Variants in PIP4P2 observed in about 807,000 individuals in gnomAD.
PIP4P2 encodes phosphatidylinositol-4,5-bisphosphate 4-phosphatase 2, also known as type 2 phosphatidylinositol 4,5-bisphosphate 4-phosphatase.
Under a neutral mutation model 33.3 loss-of-function variants are expected in PIP4P2, and 19 were observed. The ratio of observed to expected loss-of-function variants is 0.57; its 90% CI spans 0.40 to 0.84. The LOEUF (loss-of-function observed/expected upper bound fraction) is 0.84. Among genes scored for constraint, PIP4P2 ranks in the 40% least tolerant of loss-of-function variants. The pLI is 0.00. For missense variants in PIP4P2, 270 were observed against 324.7 expected, an observed-to-expected ratio of 0.83 and a Z score of 1.29; for synonymous variants, 110 against 111.9, an observed-to-expected ratio of 0.98 and a Z score of 0.11.
At chr8:91,006,267 C>G (rs1166490247) in intron 5 of PIP4P2, among the ~76,000 whole-genome samples, 2 of 152,184 alleles carry the variant, frequency 1.3e-5, no homozygotes, top group Non-Finnish European at 2.9e-5. Context: ...GTAATGAATG[C>G]TCTGAGTCCT....
intron 4 of PIP4P2, among the ~76,000 whole-genome samples, chr8:91,012,977 C>T (rs1811859287): frequency 6.6e-6 from 1 of 152,074 alleles, no homozygotes; most frequent in South Asian, 2.1e-4. Flanking sequence ...TTTGATTGTT[C>T]TTTTCTCCTC....
At chr8:91,024,367 C>T (rs1261141762) in intron 1 of PIP4P2, 1 of 431,100 alleles carries the variant, frequency 2.3e-6, no homozygotes, top group Admixed American at 2.4e-5. Flanking sequence ...GTTAGTAAAC[C>T]TACAATAATT....
In PIP4P2 at chr8:91,040,640, T is replaced by A. The variant is rs1812292835; in HGVS notation, c.106+4A>T. 6.2e-7 allele frequency: 1 copy of A among 1,613,622 alleles called. No individual in the cohort carries two copies. The highest frequency in any genetic ancestry group is 1.7e-5 in the Admixed American group (1 of 60,004). On this transcript the variant is annotated splice_donor_region_variant and intron_variant, in intron 1 of 6. Transcript: ENST00000285419. ...CAAAGTAGAGGGATCTACGCTGGCC[T>A]TACCTCTGGGGCTGCTTTCTTGCAA...
chr8:91,040,388 A>ACAACATCATCACCACCAC, intron 1 of PIP4P2, among the ~76,000 whole-genome samples: 1 of 149,844 alleles, frequency 6.7e-6, no homozygotes, highest in African/African-American at 2.5e-5. Context: ...ATACACACAC[A>ACAACATCATCACCACCAC]CACCATCACC....
At chr8:90,997,869 C>T (rs940221941) in intron 5 of PIP4P2, among the ~76,000 whole-genome samples, 1 of 152,002 alleles carries the variant, frequency 6.6e-6, no homozygotes, top group Non-Finnish European at 1.5e-5. Context: ...ATTTTGCATA[C>T]AAAATTATTT....
At chr8:91,033,572 A>AT (rs1812198754) in intron 1 of PIP4P2, among the ~76,000 whole-genome samples, 2 of 152,048 alleles carry the variant, frequency 1.3e-5, no homozygotes, top group Non-Finnish European at 2.9e-5. Context: ...ACCAAGGGTG[A>AT]TTTTTTTAAA....
intron 1 of PIP4P2, among the ~76,000 whole-genome samples, chr8:91,025,988 A>C (rs1349534986): frequency 6.6e-6 from 1 of 152,170 alleles, no homozygotes; most frequent in Non-Finnish European, 1.5e-5. Flanking sequence ...TCTTGGAAAA[A>C]TTCATCTGGC....
intron 1 of PIP4P2, among the ~76,000 whole-genome samples, chr8:91,023,143 T>A (rs1036321419): frequency 6.6e-6 from 1 of 151,588 alleles, no homozygotes; most frequent in African/African-American, 2.4e-5. Context: ...GGAAAGAATA[T>A]GTACCTCACT....
At chr8:91,023,178 T>A (rs1408349716) in intron 1 of PIP4P2, among the ~76,000 whole-genome samples, 2 of 151,066 alleles carry the variant, frequency 1.3e-5, no homozygotes, top group Non-Finnish European at 3.0e-5. Flanking sequence ...CACTGCCTGG[T>A]ATATGATAAT....
intron 5 of PIP4P2, among the ~76,000 whole-genome samples, chr8:91,004,973 C>T (rs1052910699): frequency 1.3e-5 from 2 of 151,956 alleles, no homozygotes; most frequent in African/African-American, 4.8e-5. Flanking sequence ...CAAATCTATA[C>T]ATTTGTAAAG....
At chr8:91,003,262 G>A (rs952339905) in intron 5 of PIP4P2, among the ~76,000 whole-genome samples, 1 of 152,144 alleles carries the variant, frequency 6.6e-6, no homozygotes, top group African/African-American at 2.4e-5. Context: ...ATAGATAATT[G>A]CAGTATTGGA....
At chr8:90,998,513 A>G (rs1014977183) in intron 5 of PIP4P2, among the ~76,000 whole-genome samples, 15 of 152,072 alleles carry the variant, frequency 9.9e-5, no homozygotes, top group Non-Finnish European at 2.2e-4. Flanking sequence ...TTTAGTACAT[A>G]TGTGGTATCT....
chr8:91,008,836 T>G (rs1466213656), intron 4 of PIP4P2, 41 bp from the exon 5 acceptor site: 5 of 1,520,308 alleles, frequency 3.3e-6, no homozygotes, highest in African/African-American at 1.4e-5. Flanking sequence ...AGAAAACAAC[T>G]GAAAACTATC....
At chr8:91,024,892 T>C (rs1586183729) in intron 1 of PIP4P2, among the ~76,000 whole-genome samples, 1 of 152,100 alleles carries the variant, frequency 6.6e-6, no homozygotes, top group East Asian at 1.9e-4. Flanking sequence ...TCAAACAATC[T>C]TTGGAATTAT....
chr8:91,024,626 A>G (rs1812057098), intron 1 of PIP4P2, among the ~76,000 whole-genome samples: 1 of 152,020 alleles, frequency 6.6e-6, no homozygotes, highest in South Asian at 2.1e-4. Context: ...TATCCTACCT[A>G]TTTTAAATTT....
chr8:91,021,851 C>T (rs2130370808), intron 1 of PIP4P2, among the ~76,000 whole-genome samples: 1 of 152,248 alleles, frequency 6.6e-6, no homozygotes, highest in African/African-American at 2.4e-5. Flanking sequence ...AGCTGTCATG[C>T]TCTGTCTTTA....
At chr8:91,019,748 T>C (rs1445679016) in intron 3 of PIP4P2, among the ~76,000 whole-genome samples, 3 of 151,904 alleles carry the variant, frequency 2.0e-5, no homozygotes, top group Non-Finnish European at 4.4e-5. Flanking sequence ...TAATTTTTTG[T>C]AGAGATGGGG....
chr8:91,033,254 A>G (rs1273811767), intron 1 of PIP4P2, among the ~76,000 whole-genome samples: 2 of 152,208 alleles, frequency 1.3e-5, no homozygotes, highest in Non-Finnish European at 2.9e-5. Context: ...CAAACTCCAC[A>G]TGACTGAAAC....
At chr8:91,014,415 A>T (rs184079222) in intron 4 of PIP4P2, among the ~76,000 whole-genome samples, 1 of 152,212 alleles carries the variant, frequency 6.6e-6, no homozygotes. Context: ...ATTTAGCCTT[A>T]AAAAGAAGGG....
Sources: gnomAD v4.1 joint callset for allele counts (sites outside exome capture counted in the v4.1 genomes callset) on GRCh38, gnomAD v4.1.1 for gene constraint, MANE v1.5 for transcripts, NCBI Gene and HGNC (gene_info 2026-07-23, HGNC 2026-07-21) for gene names.